Variants in SMPD3 observed in about 807,000 individuals in gnomAD.
SMPD3 encodes nSMase-2.
In SMPD3, 21 loss-of-function variants were observed where a neutral mutation model predicts 55.7. The observed-to-expected ratio is 0.38, with a 90% CI of 0.27 to 0.54. The LOEUF is 0.54. Among genes scored for constraint, SMPD3 ranks in the 20% least tolerant of loss-of-function variants. The pLI, the probability that SMPD3 is intolerant of heterozygous loss-of-function variation, is 0.80. For missense variants in SMPD3, 842 were observed against 899.6 expected (o/e 0.94, Z 0.82); for synonymous variants, 457 against 404.3 (o/e 1.13, Z -1.56).
Position 68,365,022 on chromosome 16 carries a change from G to A in SMPD3, c.1394C>T (p.Pro465Leu), listed in dbSNP as rs150131316. The part of the protein sequence containing the change: ...GYIACTHLHA[P>L]QEDSAIRCGQ... ...CAGGTGGGCGGCAACCCTACCTTGC[G>A]GGGCATGCAGGTGTGTGCAGGCGAT... Residue 465 changes from proline to leucine, a missense_variant, in exon 4 of 9, where the codon CCG becomes CTG. Pro to Leu is a moderately conservative substitution (Grantham distance 98). Coordinates refer to ENST00000219334, the MANE Select transcript of SMPD3 (RefSeq NM_018667.4). The A allele has an allele frequency of 1.4e-5, 23 of 1,613,906 alleles. No individual in the cohort carries two copies. Among genetic ancestry groups the A allele is most frequent in the African/African-American group, 1.3e-4 (10 of 74,914 alleles).
At chr16:68,416,145 G>A (rs2090337054) in intron 1 of SMPD3, among the ~76,000 whole-genome samples, 1 of 152,194 alleles carries the variant, frequency 6.6e-6, no homozygotes, top group African/African-American at 2.4e-5. Context: ...CCTCTATGAA[G>A]GACAGTAACA....
At chr16:68,390,474 A>G (rs887095901) in intron 1 of SMPD3, among the ~76,000 whole-genome samples, 1 of 152,306 alleles carries the variant, frequency 6.6e-6, no homozygotes, top group East Asian at 1.9e-4. Flanking sequence ...CAGCCTGGGT[A>G]ACATGGTGAA....
chr16:68,375,398 G>T (rs2089786683), intron 2 of SMPD3, among the ~76,000 whole-genome samples: 1 of 148,068 alleles, frequency 6.8e-6, no homozygotes, highest in Non-Finnish European at 1.5e-5. Flanking sequence ...GGAGGAGAAG[G>T]TCTATCCTGT....
chr16:68,397,688 C>T (rs2090170617), intron 1 of SMPD3, among the ~76,000 whole-genome samples: 1 of 152,230 alleles, frequency 6.6e-6, no homozygotes, highest in Non-Finnish European at 1.5e-5. Context: ...TGGTCCCGTT[C>T]TCTCTCCGGG....
rs938237369 is a variant in SMPD3 at position 68,360,911 on chromosome 16, A to G, written c.*295T>C. The G allele has an allele frequency of 2.5e-6, 1 of 405,432 alleles. No homozygotes were observed. Among genetic ancestry groups the G allele is most frequent in the Admixed American group, 4.2e-5 (1 of 23,778 alleles). The allele number at this position is 405,432 out of a possible 1,614,324, so 25.1% of individuals were successfully genotyped here. A position where few individuals can be genotyped will look rare whatever the true frequency, so the allele number is the denominator to read the frequency against. On this transcript the variant is annotated 3_prime_UTR_variant, in exon 9 of 9. Transcript: ENST00000219334. Reference sequence around the variant, plus strand: ...CAGAGAGTACACGAACCCGGTCCTCATACTAACCCACGGGTTACAAACTCG... The same window carrying G: ...CAGAGAGTACACGAACCCGGTCCTCGTACTAACCCACGGGTTACAAACTCG...
At chr16:68,410,134 C>T (rs1019169836) in intron 1 of SMPD3, among the ~76,000 whole-genome samples, 2 of 152,180 alleles carry the variant, frequency 1.3e-5, no homozygotes, top group African/African-American at 4.8e-5. Flanking sequence ...CCAGCTCCAC[C>T]GCAAGAGGAC....
intron 3 of SMPD3, 146 bp from the exon 4 acceptor site, chr16:68,365,238 A>T (rs1343399485): frequency 1.3e-5 from 10 of 756,710 alleles, no homozygotes; most frequent in Admixed American, 2.3e-5. Context: ...TAGGGACAGG[A>T]TGTGTCCTGC....
At chr16:68,373,893 C>T (rs1216209245) in intron 2 of SMPD3, among the ~76,000 whole-genome samples, 2 of 152,164 alleles carry the variant, frequency 1.3e-5, no homozygotes, top group Admixed American at 6.5e-5. Flanking sequence ...CTGCCATTCC[C>T]CATCCTCTGC....
At chr16:68,397,558 G>A (rs2090168984) in intron 1 of SMPD3, among the ~76,000 whole-genome samples, 1 of 152,046 alleles carries the variant, frequency 6.6e-6, no homozygotes, top group South Asian at 2.1e-4. Flanking sequence ...ACACACCTGG[G>A]TACCCTCCCC....
chr16:68,384,834 C>A (rs1464439833), intron 2 of SMPD3, among the ~76,000 whole-genome samples: 1 of 152,124 alleles, frequency 6.6e-6, no homozygotes, highest in Non-Finnish European at 1.5e-5. Flanking sequence ...CCCCTGCCGA[C>A]TGAGAACAAG....
At chr16:68,418,342 T>C (rs753322994) in intron 1 of SMPD3, among the ~76,000 whole-genome samples, 162 of 151,610 alleles carry the variant, frequency 1.1e-3, no homozygotes, top group Non-Finnish European at 3.2e-4. Context: ...TAAGACTCTT[T>C]ATGTAAATGA....
chr16:68,361,848 A>C, intron 7 of SMPD3, 89 bp from the exon 8 acceptor site: 30 of 669,468 alleles, frequency 4.5e-5, no homozygotes, highest in Non-Finnish European at 6.7e-5. Context: ...GTCTCCTCCC[A>C]GTGTGGGAGC....
At chr16:68,438,460 A>G (rs1188455579) in intron 1 of SMPD3, among the ~76,000 whole-genome samples, 2 of 152,210 alleles carry the variant, frequency 1.3e-5, no homozygotes, top group African/African-American at 4.8e-5. Context: ...ACTGCAACAA[A>G]TTACCCAGAT....
At chr16:68,395,036 C>G (rs947599028) in intron 1 of SMPD3, among the ~76,000 whole-genome samples, 1 of 151,916 alleles carries the variant, frequency 6.6e-6, no homozygotes, top group Admixed American at 6.6e-5. Context: ...GGCTAGCCCC[C>G]CTGGGTGGGA....
intron 2 of SMPD3, among the ~76,000 whole-genome samples, chr16:68,379,862 C>T (rs2089908346): frequency 6.6e-6 from 1 of 152,204 alleles, no homozygotes; most frequent in Non-Finnish European, 1.5e-5. Flanking sequence ...GTCAGAAAGC[C>T]CAGATGAAGC....
chr16:68,443,599 C>G (rs1259334333), intron 1 of SMPD3, among the ~76,000 whole-genome samples: 2 of 152,100 alleles, frequency 1.3e-5, no homozygotes, highest in East Asian at 3.8e-4. Context: ...GAAAGAAACC[C>G]CTGGGCTACT....
intron 5 of SMPD3, 120 bp downstream of exon 5, chr16:68,364,631 G>T: frequency 2.6e-6 from 3 of 1,148,590 alleles, no homozygotes; most frequent in Non-Finnish European, 1.2e-6. Flanking sequence ...TAAATACCCC[G>T]CCCACATGCT....
In SMPD3 at chr16:68,371,551, C is replaced by T. The variant is rs754508422; in HGVS notation, c.631G>A (p.Glu211Lys). ...TGCCGCCCACCGTCACCCTTGTACTCCACAGAGGCTGTCCTCTTAATGCTC... is the reference window on the plus strand; with the variant it reads ...TGCCGCCCACCGTCACCCTTGTACTTCACAGAGGCTGTCCTCTTAATGCTC... ...PGSIKRTASV[E>K]YKGDGGRHPG... The change falls in exon 3 of 9, where the codon GAG becomes AAG. Residue 211 changes from glutamate (E) to lysine (K), a missense_variant. Glu to Lys is a moderately conservative substitution (Grantham distance 56, BLOSUM62 1). Around this residue, in one of 2 missense-constraint regions of SMPD3, gnomAD observed 649 missense variants for 643.6 expected, o/e 1.01. Coordinates refer to ENST00000219334, the MANE Select transcript of SMPD3 (RefSeq NM_018667.4). 3 of 1,598,174 alleles carry T rather than the reference C, an allele frequency of 1.9e-6. No homozygotes were observed. The highest frequency in any genetic ancestry group is 2.6e-6 in the Non-Finnish European group (3 of 1,176,458).
At chr16:68,370,522 G>T (rs11075673) in intron 3 of SMPD3, among the ~76,000 whole-genome samples, 1 of 151,806 alleles carries the variant, frequency 6.6e-6, no homozygotes, top group Non-Finnish European at 1.5e-5. Flanking sequence ...GCGCCAGCTC[G>T]GAACCCTTCC....
Sources: allele counts gnomAD v4.1 joint callset (sites outside exome capture counted in the v4.1 genomes callset), GRCh38; gene constraint gnomAD v4.1.1; regional missense constraint gnomAD v4.1.1; transcripts MANE v1.5; gene names NCBI Gene and HGNC (gene_info 2026-07-23, HGNC 2026-07-21).